Variants in RETREG1 observed in about 807,000 individuals in gnomAD.
RETREG1 encodes the protein family with sequence similarity 134 member B.
In RETREG1, 44 loss-of-function variants were observed where a neutral mutation model predicts 54.8. The ratio of observed to expected loss-of-function variants is 0.80; its 90% CI spans 0.63 to 1.03. RETREG1 has a LOEUF of 1.03. Among genes scored for constraint, RETREG1 ranks in the 50% least tolerant of loss-of-function variants. The pLI, the probability that RETREG1 is intolerant of heterozygous loss-of-function variation, is 0.00. For synonymous variants in RETREG1, 217 were observed against 238.5 expected, an observed-to-expected ratio of 0.91 and a Z score of 0.83; for missense variants, 554 against 605.1, an observed-to-expected ratio of 0.92 and a Z score of 0.89.
At chr5:16,583,109 G>A (rs907131684) in intron 1 of RETREG1, among the ~76,000 whole-genome samples, 3 of 152,122 alleles carry the variant, frequency 2.0e-5, no homozygotes, top group Non-Finnish European at 4.4e-5. Context: ...GGGCTATGTG[G>A]ACAATTTACA....
At chr5:16,500,858 A>T (rs1424485613) in intron 3 of RETREG1, among the ~76,000 whole-genome samples, 2 of 152,182 alleles carry the variant, frequency 1.3e-5, no homozygotes, top group African/African-American at 4.8e-5. Flanking sequence ...CTAACCAGGA[A>T]TGCACTCCGG....
At chr5:16,483,541 C>A (rs1738898376) in intron 3 of RETREG1, 69 bp from the exon 4 acceptor site, 3 of 1,554,012 alleles carry the variant, frequency 1.9e-6, no homozygotes, top group Admixed American at 3.4e-5. Context: ...ATGGCTTTGG[C>A]AAATATTTAT....
intron 1 of RETREG1, among the ~76,000 whole-genome samples, chr5:16,602,747 C>A (rs1309451275): frequency 2.0e-5 from 3 of 152,140 alleles, no homozygotes; most frequent in Admixed American, 2.0e-4. Flanking sequence ...GTGGCTCATG[C>A]CTGTAATCCC....
intron 3 of RETREG1, among the ~76,000 whole-genome samples, chr5:16,512,865 AG>A (rs1740222493): frequency 6.6e-6 from 1 of 152,128 alleles, no homozygotes; most frequent in African/African-American, 2.4e-5. Context: ...CAGAAACATC[AG>A]GCTGCTCCAG....
intron 3 of RETREG1, among the ~76,000 whole-genome samples, chr5:16,509,743 T>C (rs1740108090): frequency 1.3e-5 from 2 of 152,208 alleles, no homozygotes; most frequent in South Asian, 4.1e-4. Flanking sequence ...ACGCCTGTAA[T>C]CCTAGCACTG....
At chr5:16,572,369 C>A (rs548932562) in intron 1 of RETREG1, among the ~76,000 whole-genome samples, 1 of 152,084 alleles carries the variant, frequency 6.6e-6, no homozygotes, top group Admixed American at 6.5e-5. Flanking sequence ...TGAGCCACCA[C>A]GCCAAGCTCA....
intron 3 of RETREG1, among the ~76,000 whole-genome samples, chr5:16,548,137 T>G (rs996169865): frequency 3.9e-5 from 6 of 152,048 alleles, no homozygotes; most frequent in Admixed American, 2.0e-4. Context: ...TGTAAAAAAA[T>G]TCATATCAGA....
At chr5:16,591,617 C>T (rs369843176) in intron 1 of RETREG1, among the ~76,000 whole-genome samples, 1 of 152,198 alleles carries the variant, frequency 6.6e-6, no homozygotes, top group African/African-American at 2.4e-5. Flanking sequence ...AGCAGGTCCG[C>T]AGATCTCTGC....
At chr5:16,486,274 A>G (rs141385080) in intron 3 of RETREG1, among the ~76,000 whole-genome samples, 205 of 152,344 alleles carry the variant, frequency 1.3e-3, no homozygotes, top group African/African-American at 4.4e-3. Flanking sequence ...TATGATTTAA[A>G]AAGAAAATGT....
chr5:16,575,205 T>G (rs1213995413), intron 1 of RETREG1, among the ~76,000 whole-genome samples: 1 of 152,256 alleles, frequency 6.6e-6, no homozygotes, highest in African/African-American at 2.4e-5. Context: ...GCAGTTCAAC[T>G]TTTTCCATTC....
At position 16,494,979 on chromosome 5, in the gene RETREG1, A is replaced by C. The variant is rs574989454; in HGVS notation, c.459-11507T>G. Among the ~76,000 whole-genome samples, 41 of 152,220 alleles carry C rather than the reference A, an allele frequency of 2.7e-4. 1 individual carries two copies. The highest frequency in any genetic ancestry group is 4.9e-4 in the Non-Finnish European group (33 of 68,036). Reference sequence around the variant, plus strand: ...ATGAAGACTAGGCTGATGAGGTCTCAGAAGGAAATGAGTATCTTATTGGGA... The same window carrying C: ...ATGAAGACTAGGCTGATGAGGTCTCCGAAGGAAATGAGTATCTTATTGGGA... On this transcript the variant is annotated intron_variant, in intron 3 of 8. Transcript: ENST00000306320.
chr5:16,576,294 C>CTTTTT (rs70940380), intron 1 of RETREG1, among the ~76,000 whole-genome samples: 16 of 125,816 alleles, frequency 1.3e-4, no homozygotes, highest in African/African-American at 4.1e-4. Context: ...TTTTCTTTTT[C>CTTTTT]TTTTTTTTTT....
intron 3 of RETREG1, among the ~76,000 whole-genome samples, chr5:16,530,071 C>T (rs1740864540): frequency 2.0e-5 from 3 of 152,244 alleles, no homozygotes; most frequent in Non-Finnish European, 4.4e-5. Context: ...CCTCCCTTCC[C>T]AGATGCTTAT....
chr5:16,501,404 G>A (rs753241496), intron 3 of RETREG1, among the ~76,000 whole-genome samples: 6 of 152,222 alleles, frequency 3.9e-5, no homozygotes, highest in Non-Finnish European at 5.9e-5. Flanking sequence ...AAATCGTTCA[G>A]TGTTTACACT....
In RETREG1 at chr5:16,616,780, C is replaced by G; in HGVS notation, c.192G>C (p.Ala64=). 1.3e-6 allele frequency: 2 copies of G among 1,532,204 alleles called. No individual in the cohort carries two copies. Among genetic ancestry groups the G allele is most frequent in the Non-Finnish European group, 1.7e-6 (2 of 1,146,380 alleles). 94.9% of individuals were successfully genotyped at this position (1,532,204 alleles called of 1,614,324 possible). ...GLQVEEAAGR[A]AAAVTWLLGE... is the part of the protein sequence containing the mutation. Reference sequence around the variant, plus strand: ...CGAGCAGCCAGGTTACCGCGGCCGCCGCCCGGCCCGCGGCCTCCTCCACCT... The same window carrying G: ...CGAGCAGCCAGGTTACCGCGGCCGCGGCCCGGCCCGCGGCCTCCTCCACCT... The change falls in exon 1 of 9, where the codon GCG becomes GCC. Residue 64 remains alanine (A), a synonymous_variant. Transcript: ENST00000306320.
intron 3 of RETREG1, among the ~76,000 whole-genome samples, chr5:16,515,581 T>G (rs1387938449): frequency 6.6e-6 from 1 of 152,034 alleles, no homozygotes; most frequent in African/African-American, 2.4e-5. Context: ...TGTCAGGAGG[T>G]CACAAACATG....
At chr5:16,573,742 G>GTTTTTTTTT (rs34651832) in intron 1 of RETREG1, among the ~76,000 whole-genome samples, 18 of 126,520 alleles carry the variant, frequency 1.4e-4, no homozygotes, top group Admixed American at 2.7e-4. Flanking sequence ...TTTGTTTTTT[G>GTTTTTTTTT]TTTTTTTTTT....
At chr5:16,524,892 C>T (rs73753080) in intron 3 of RETREG1, among the ~76,000 whole-genome samples, 54 of 146,432 alleles carry the variant, frequency 3.7e-4, no homozygotes, top group African/African-American at 1.3e-3. Flanking sequence ...CTGCGTCCTC[C>T]GGCTCCTGCA....
chr5:16,527,800 A>ATTTTTTTTTTT (rs386403108), intron 3 of RETREG1, among the ~76,000 whole-genome samples: 819 of 66,244 alleles, frequency 0.012, 207 homozygotes, highest in Non-Finnish European at 0.015. Flanking sequence ...AGGGACTCTA[A>ATTTTTTTTTTT]TTTTTTTTTT....
Sources: gnomAD v4.1 joint callset for allele counts (sites outside exome capture counted in the v4.1 genomes callset) on GRCh38, gnomAD v4.1.1 for gene constraint, MANE v1.5 for transcripts, NCBI Gene and HGNC (gene_info 2026-07-23, HGNC 2026-07-21) for gene names.